GRIFIN: variants seen among roughly 807,000 people sequenced by gnomAD.
GRIFIN encodes the protein putative grifin.
GRIFIN carries 22 observed loss-of-function variants against 18.2 expected under a neutral mutation model. The ratio of observed to expected loss-of-function variants is 1.21; its 90% CI spans 0.86 to 1.73. The LOEUF (loss-of-function observed/expected upper bound fraction) is 1.73. Ranked by LOEUF, GRIFIN falls within the 40% of genes most tolerant of loss-of-function variation. GRIFIN has a pLI of 0.00. For synonymous variants in GRIFIN, 101 were observed against 82.8 expected, an observed-to-expected ratio of 1.22 and a Z score of -1.19; for missense variants, 200 against 190.1, an observed-to-expected ratio of 1.05 and a Z score of -0.31.
chr7:2,475,567 C>T, intron 3 of GRIFIN, 102 bp downstream of exon 3: 1 of 1,400,248 alleles, frequency 7.1e-7, no homozygotes, highest in Non-Finnish European at 9.4e-7. Flanking sequence ...TGCCCTGGCC[C>T]ACTGACCTGT....
At chr7:2,476,152 C>G in intron 1 of GRIFIN, 153 bp from the exon 2 acceptor site, 2 of 371,052 alleles carry the variant, frequency 5.4e-6, no homozygotes, top group Non-Finnish European at 7.4e-6. Flanking sequence ...CTCTGTTCAT[C>G]TGGTGTCTTT....
At chr7:2,475,490 G>T in intron 3 of GRIFIN, 179 bp downstream of exon 3, 1 of 1,173,092 alleles carries the variant, frequency 8.5e-7, no homozygotes, top group Non-Finnish European at 1.2e-6. Flanking sequence ...GGGGTGGCTG[G>T]TAGCCAGGGT....
At chr7:2,476,022 C>T (rs1778958817) in intron 1 of GRIFIN, 23 bp from the exon 2 acceptor site, 2 of 1,590,354 alleles carry the variant, frequency 1.3e-6, no homozygotes, top group African/African-American at 2.7e-5. Context: ...GACAGGGGGA[C>T]CAGCCTCATG....
At chr7:2,475,329 A>G in intron 3 of GRIFIN, 22 bp from the exon 4 acceptor site, 1 of 1,578,626 alleles carries the variant, frequency 6.3e-7, no homozygotes, top group East Asian at 2.3e-5. Flanking sequence ...GGGGCCAGTG[A>G]CCTCAGTGCC....
At chr7:2,475,461 C>T (rs1395047888) in intron 3 of GRIFIN, 154 bp from the exon 4 acceptor site, 9 of 1,218,856 alleles carry the variant, frequency 7.4e-6, no homozygotes, top group Non-Finnish European at 1.0e-5. Context: ...GCCCAAAGTC[C>T]CCTCCTTTCT....
intron 4 of GRIFIN, 70 bp downstream of exon 4, chr7:2,475,070 CA>C (rs1778931392): frequency 2.1e-5 from 31 of 1,493,426 alleles, no homozygotes; most frequent in Non-Finnish European, 2.8e-5. Context: ...GGGTGAGAAG[CA>C]AAATCCCTGC....
Position 2,475,126 on chromosome 7 carries a change from A to G in GRIFIN, c.419+15T>C, listed in dbSNP as rs377199129. 318 of 1,568,656 alleles carry G rather than the reference A, an allele frequency of 2.0e-4. No individual in the cohort carries two copies. Among genetic ancestry groups the G allele is most frequent in the Non-Finnish European group, 1.8e-4 (214 of 1,165,050 alleles). Reference sequence around the variant, plus strand: ...CAGGAATGGGCAGGGACCTGGGTAGAGGCAGGGACTTTACCCCCAGCTCAG... The same window carrying G: ...CAGGAATGGGCAGGGACCTGGGTAGGGGCAGGGACTTTACCCCCAGCTCAG... On this transcript the variant is annotated intron_variant, in intron 4 of 4. Coordinates refer to ENST00000614228, the MANE Select transcript of GRIFIN (RefSeq NM_001394787.1).
chr7:2,476,293 G>T, intron 1 of GRIFIN, 79 bp downstream of exon 1: 1 of 1,473,792 alleles, frequency 6.8e-7, no homozygotes, highest in Non-Finnish European at 9.2e-7. Context: ...CCCCATCTCT[G>T]TGCAGAGAGA....
chr7:2,475,042 A>G, intron 4 of GRIFIN, 99 bp downstream of exon 4: 2 of 1,362,596 alleles, frequency 1.5e-6, no homozygotes, highest in Non-Finnish European at 2.0e-6. Context: ...CCCCAGGCGG[A>G]GGAGGGTCCC....
chr7:2,475,793 A>G lies in GRIFIN; in HGVS notation c.128T>C (p.Ile43Thr), dbSNP rs368575615. 5.8e-5 allele frequency: 91 copies of G among 1,574,252 alleles called. No individual in the cohort carries two copies. The Middle Eastern group carries it at 6.7e-4, about 12-fold the overall frequency. Residue 43 changes from isoleucine (I) to threonine (T), a missense_variant, in exon 3 of 5, where the codon ATT (isoleucine) becomes ACT (threonine). Coordinates refer to ENST00000614228, the MANE Select transcript of GRIFIN (RefSeq NM_001394787.1). The part of the protein sequence containing the change: ...ETNFLLETGD[I>T]AFHIKPRFSS... ...GAACCGGGGCTTGATGTGGAAGGCA[A>G]TGTCCCCCGTCTCCAACAAGAAGTT... is the stretch of plus-strand genomic sequence containing the variant.
chr7:2,476,305 C>T, intron 1 of GRIFIN, 67 bp downstream of exon 1: 5 of 1,512,428 alleles, frequency 3.3e-6, no homozygotes, highest in Non-Finnish European at 4.4e-6. Context: ...GCAGAGAGAG[C>T]ACGGGTGGCT....
Position 2,474,759 on chromosome 7 carries a change from G to C in GRIFIN, c.*111C>G. On this transcript the variant is annotated 3_prime_UTR_variant, in exon 5 of 5. Coordinates refer to ENST00000614228, the MANE Select transcript of GRIFIN (RefSeq NM_001394787.1). ...CTCAGAGTTTATTGAAGGTGGAGCT[G>C]CGAGGAGCACACAGGACCACAGACC... 1 of 420,026 alleles carries C rather than the reference G, an allele frequency of 2.4e-6. No homozygotes were observed. The highest frequency in any genetic ancestry group is 4.2e-6 in the Non-Finnish European group (1 of 238,394). The allele number at this position is 420,026 out of a possible 1,614,324, so 26.0% of individuals were successfully genotyped here. A position where few individuals can be genotyped will look rare whatever the true frequency, so the allele number is the denominator to read the frequency against.
At chr7:2,474,946 A>G (rs982285432) in intron 4 of GRIFIN, 61 bp from the exon 5 acceptor site, 11 of 638,698 alleles carry the variant, frequency 1.7e-5, no homozygotes, top group Non-Finnish European at 3.0e-5. Flanking sequence ...CCAGGGTGGG[A>G]GGTGGACCAT....
chr7:2,475,970 G>C lies in GRIFIN; in HGVS notation c.42C>G (p.Ala14=). Residue 14 remains alanine (A), a synonymous_variant, in exon 2 of 5, where the codon GCC becomes GCG. Transcript: ENST00000614228. ...QSKAFCAGGL[A]PGWKLLVQGH... ...CCTGGACCAGCAGCTTCCAGCCGGG[G>C]GCCAGGCCGCCCGCACAGAAGGCTT... The C allele has an allele frequency of 1.9e-6, 3 of 1,598,240 alleles. No homozygotes were observed. Among genetic ancestry groups the C allele is most frequent in the Non-Finnish European group, 2.5e-6 (3 of 1,179,676 alleles).
Position 2,475,750 on chromosome 7 carries a change from C to A in GRIFIN, c.171G>T (p.Val57=). 6.4e-7 allele frequency: 1 copy of A among 1,568,244 alleles called. No homozygotes were observed. The highest frequency in any genetic ancestry group is 8.6e-7 in the Non-Finnish European group (1 of 1,161,916). ...IKPRFSSATV[V]GNAFQYGRWG... ...AGCGGCCGTACTGGAAGGCATTGCC[C>A]ACCACAGTGGCGCTGGAGAACCGGG... is the stretch of plus-strand genomic sequence containing the variant. The change falls in exon 3 of 5, where the codon GTG becomes GTT. Residue 57 remains valine, a synonymous_variant. Transcript: ENST00000614228.
intron 1 of GRIFIN, 77 bp downstream of exon 1, chr7:2,476,295 G>GCAGA (rs1778962330): frequency 6.8e-7 from 1 of 1,473,618 alleles, no homozygotes; most frequent in Non-Finnish European, 9.2e-7. Context: ...CCATCTCTGT[G>GCAGA]CAGAGAGAGC....
In GRIFIN at chr7:2,475,227, C is replaced by T. The variant is rs1778936697; in HGVS notation, c.333G>A (p.Arg111=). 2 of 1,597,286 alleles carry T rather than the reference C, an allele frequency of 1.3e-6. No individual in the cohort carries two copies. The highest frequency in any genetic ancestry group is 1.7e-6 in the Non-Finnish European group (2 of 1,179,082). The change falls in exon 4 of 5, where the codon AGG becomes AGA. Residue 111 remains arginine (R), a synonymous_variant. Transcript: ENST00000614228. ...GCACCCTGGTGGTGGCGCCCAGCGGCCTCTGACGGCATGGGAACTGTAGCA... is the reference window on the plus strand; with the variant it reads ...GCACCCTGGTGGTGGCGCCCAGCGGTCTCTGACGGCATGGGAACTGTAGCA... ...HKVLQFPCRQ[R]PLGATTRVRV...
intron 4 of GRIFIN, 110 bp downstream of exon 4, chr7:2,475,031 T>G (rs1220494837): frequency 2.3e-6 from 3 of 1,308,946 alleles, no homozygotes; most frequent in African/African-American, 1.5e-5. Flanking sequence ...AGACAACCCC[T>G]CCCCAGGCGG....
chr7:2,475,222 A>T lies in GRIFIN; in HGVS notation c.338T>A (p.Leu113Gln), dbSNP rs755995564. 4.4e-6 allele frequency: 7 copies of T among 1,596,994 alleles called. No individual in the cohort carries two copies. In the African/African-American group the frequency reaches 8.0e-5, roughly 18 times the overall value. ...CACGCGCACCCTGGTGGTGGCGCCC[A>T]GCGGCCTCTGACGGCATGGGAACTG... is the stretch of plus-strand genomic sequence containing the variant. ...VLQFPCRQRP[L>Q]GATTRVRVLS... The change falls in exon 4 of 5, where the codon CTG (leucine) becomes CAG (glutamine). Residue 113 changes from leucine to glutamine, a missense_variant. Physicochemically the swap from Leu to Gln is moderately radical, Grantham distance 113. Transcript: ENST00000614228.
Sources: allele counts gnomAD v4.1 joint callset, GRCh38; gene constraint gnomAD v4.1.1; transcripts MANE v1.5; gene names NCBI Gene and HGNC (gene_info 2026-07-23, HGNC 2026-07-21).